The following CEP112 variants were observed in gnomAD, a reference collection of about 807,000 sequenced individuals.
CEP112 encodes the protein centrosomal protein 112.
In CEP112, 127 loss-of-function variants were observed where a neutral mutation model predicts 153.0. That is an observed-to-expected ratio of 0.83 (90% CI 0.72 to 0.96). The LOEUF (loss-of-function observed/expected upper bound fraction) is 0.96, where lower values mean the gene tolerates loss of function less well. Among genes scored for constraint, CEP112 ranks in the 40% least tolerant of loss-of-function variants. CEP112 has a pLI of 0.00. For missense variants in CEP112, 1,089 were observed against 1,101.2 expected (o/e 0.99, Z 0.16); for synonymous variants, 358 against 374.4 (o/e 0.96, Z 0.51).
At position 65,864,504 on chromosome 17, in the gene CEP112, C is replaced by T. The variant is rs935654307; in HGVS notation, c.2164-12470G>A. On this transcript the variant is annotated intron_variant, in intron 20 of 26. Transcript: ENST00000535342. ...CCTGACGCCATTCTTCCACCTTCCT[C>T]GACATTCTTCAGCTGGTCACAAACA... Among the ~76,000 whole-genome samples, 9 of 152,310 alleles carry T rather than the reference C, an allele frequency of 5.9e-5. No homozygotes were observed. In the East Asian group the frequency reaches 1.7e-3, roughly 29 times the overall value.
intron 16 of CEP112, among the ~76,000 whole-genome samples, chr17:66,022,514 C>T (rs1411793546): frequency 1.3e-5 from 2 of 151,808 alleles, no homozygotes; most frequent in African/African-American, 4.8e-5. Context: ...CAAGACCACC[C>T]TAGCTAACAT....
chr17:65,946,725 T>C (rs1437367102), intron 18 of CEP112, among the ~76,000 whole-genome samples: 7 of 152,100 alleles, frequency 4.6e-5, no homozygotes. Context: ...TTTTTTAAAA[T>C]TTTTTTTATT....
chr17:65,648,668 A>C (rs2045569197), intron 24 of CEP112, among the ~76,000 whole-genome samples: 2 of 152,258 alleles, frequency 1.3e-5, no homozygotes, highest in Admixed American at 1.3e-4. Context: ...TCAAAGTGAC[A>C]TTGGAAAAAA....
At chr17:65,741,831 CAGTTAT>C (rs2051155691) in intron 23 of CEP112, among the ~76,000 whole-genome samples, 1 of 151,116 alleles carries the variant, frequency 6.6e-6, no homozygotes, top group African/African-American at 2.4e-5. Flanking sequence ...TGAAGCAAAA[CAGTTAT>C]ATAGATCAAT....
At chr17:65,749,901 C>A (rs1419195079) in intron 22 of CEP112, among the ~76,000 whole-genome samples, 1 of 146,930 alleles carries the variant, frequency 6.8e-6, no homozygotes, top group East Asian at 2.1e-4. Context: ...TTTTAACAAT[C>A]ATTAGATATG....
intron 21 of CEP112, among the ~76,000 whole-genome samples, chr17:65,774,086 C>CAA (rs10647121): frequency 0.48 from 59,516 of 124,974 alleles, 14,226 homozygotes; most frequent in East Asian, 0.77. Context: ...GGCTCCATCT[C>CAA]AAAAAAAAAA....
intron 23 of CEP112, among the ~76,000 whole-genome samples, chr17:65,705,920 C>T (rs929434572): frequency 1.9e-4 from 29 of 151,962 alleles, no homozygotes; most frequent in Non-Finnish European, 3.2e-4. Context: ...AAGACAATGC[C>T]CATGGTTTCT....
At chr17:65,722,849 T>C (rs1291170419) in intron 23 of CEP112, among the ~76,000 whole-genome samples, 1 of 152,226 alleles carries the variant, frequency 6.6e-6, no homozygotes, top group East Asian at 1.9e-4. Context: ...ACAAGTCTGA[T>C]ATTTGAAGTG....
At chr17:65,895,489 T>C (rs1279927937) in intron 20 of CEP112, among the ~76,000 whole-genome samples, 2 of 152,078 alleles carry the variant, frequency 1.3e-5, no homozygotes, top group African/African-American at 2.4e-5. Flanking sequence ...ACATTAAATA[T>C]GGCAAATCGC....
At chr17:66,025,529 G>C (rs939556703) in intron 16 of CEP112, among the ~76,000 whole-genome samples, 1 of 151,912 alleles carries the variant, frequency 6.6e-6, no homozygotes, top group African/African-American at 2.4e-5. Context: ...ACACACAAAA[G>C]GCCAACAGAC....
At chr17:65,892,905 A>G (rs1457689452) in intron 20 of CEP112, among the ~76,000 whole-genome samples, 5 of 152,152 alleles carry the variant, frequency 3.3e-5, no homozygotes, top group Non-Finnish European at 7.4e-5. Context: ...ATTAAATGAC[A>G]TCTTTGAAAA....
At chr17:65,664,427 T>C (rs990638375) in intron 24 of CEP112, among the ~76,000 whole-genome samples, 4 of 152,044 alleles carry the variant, frequency 2.6e-5, no homozygotes, top group South Asian at 2.1e-4. Flanking sequence ...AATAAGTGAG[T>C]GTGAGGCAGT....
At chr17:66,154,271 T>C (rs2071338644) in intron 4 of CEP112, among the ~76,000 whole-genome samples, 1 of 152,074 alleles carries the variant, frequency 6.6e-6, no homozygotes, top group Admixed American at 6.5e-5. Context: ...TCACAGCACT[T>C]TGGAAGGCCG....
chr17:66,175,666 C>A (rs933695622), intron 3 of CEP112, among the ~76,000 whole-genome samples: 3 of 152,168 alleles, frequency 2.0e-5, no homozygotes, highest in Admixed American at 6.5e-5. Context: ...AAGGTGGGAA[C>A]AGCAGAGTGA....
At chr17:65,636,091 A>G (rs1356585946) in intron 26 of CEP112, 117 bp from the exon 27 acceptor site, 2 of 949,624 alleles carry the variant, frequency 2.1e-6, no homozygotes, top group Non-Finnish European at 3.3e-6. Flanking sequence ...TTGATATCAA[A>G]ATGTCATAAT....
At chr17:65,901,904 G>A (rs1032640683) in intron 20 of CEP112, among the ~76,000 whole-genome samples, 2 of 138,664 alleles carry the variant, frequency 1.4e-5, no homozygotes, top group Non-Finnish European at 3.0e-5. Context: ...TAAAAAAGGG[G>A]GCCAAGTTAT....
intron 23 of CEP112, among the ~76,000 whole-genome samples, chr17:65,704,581 G>A (rs919126503): frequency 2.6e-5 from 4 of 151,946 alleles, no homozygotes; most frequent in Non-Finnish European, 5.9e-5. Flanking sequence ...TTGATCTATC[G>A]GTATTTTCTT....
intron 23 of CEP112, among the ~76,000 whole-genome samples, chr17:65,712,535 G>T (rs896383746): frequency 4.6e-5 from 7 of 151,484 alleles, no homozygotes; most frequent in Admixed American, 3.3e-4. Flanking sequence ...CATAAAACAG[G>T]ACAGGGCTAT....
At chr17:65,854,667 C>T (rs2058068802) in intron 20 of CEP112, among the ~76,000 whole-genome samples, 1 of 152,160 alleles carries the variant, frequency 6.6e-6, no homozygotes. Context: ...TCCTTGTAAA[C>T]CTGTAGTGGA....
Sources: gnomAD v4.1 joint callset for allele counts (sites outside exome capture counted in the v4.1 genomes callset) on GRCh38, gnomAD v4.1.1 for gene constraint, MANE v1.5 for transcripts, NCBI Gene and HGNC (gene_info 2026-07-23, HGNC 2026-07-21) for gene names.